ARID1B: variants seen among roughly 807,000 people sequenced by gnomAD.
ARID1B encodes the protein AT-rich interaction domain 1B, also known as AT-rich interactive domain-containing protein 1B.
In ARID1B, 30 loss-of-function variants were observed where a neutral mutation model predicts 212.3. That is an observed-to-expected ratio of 0.14 (90% CI 0.11 to 0.19). ARID1B has a LOEUF of 0.19. Ranked by LOEUF, ARID1B falls within the 10% of genes least tolerant of loss-of-function variation. The pLI, the probability that ARID1B is intolerant of heterozygous loss-of-function variation, is 1.00. For synonymous variants in ARID1B, 1,402 were observed against 1,301.7 expected (o/e 1.08, Z -1.66); for missense variants, 2,891 against 3,204.0 (o/e 0.90, Z 2.36).
intron 2 of ARID1B, among the ~76,000 whole-genome samples, chr6:156,857,594 T>TA (rs1166723677): frequency 6.6e-6 from 1 of 152,250 alleles, no homozygotes; most frequent in Non-Finnish European, 1.5e-5. Context: ...GCTGGCCACC[T>TA]ACTCTGGAAC....
intron 13 of ARID1B, chr6:157,186,733 T>C: frequency 2.9e-6 from 1 of 344,406 alleles, no homozygotes; most frequent in Admixed American, 4.0e-5. Context: ...TAGTTTATTT[T>C]TTACCAGCAC....
intron 2 of ARID1B, among the ~76,000 whole-genome samples, chr6:156,898,789 T>C (rs1788693485): frequency 6.6e-6 from 1 of 152,040 alleles, no homozygotes; most frequent in African/African-American, 2.4e-5. Flanking sequence ...CTGACCAACA[T>C]GGAGAAACCC....
intron 1 of ARID1B, among the ~76,000 whole-genome samples, chr6:156,793,414 A>G (rs906106755): frequency 2.6e-5 from 4 of 152,070 alleles, no homozygotes; most frequent in African/African-American, 9.7e-5. Context: ...CGGTGAGGTC[A>G]TGGCTCGACT....
rs1794042253 is a variant in ARID1B, at chr6:157,200,778, A to G, written c.4553A>G (p.Gln1518Arg). 1 of 1,614,084 alleles carries G rather than the reference A, an allele frequency of 6.2e-7. No individual in the cohort carries two copies. The highest frequency in any genetic ancestry group is 8.5e-7 in the Non-Finnish European group (1 of 1,180,002). The change falls in exon 18 of 20, where the codon CAG becomes CGG. Residue 1518 changes from glutamine (Q) to arginine (R), a missense_variant. By Grantham distance (43) the Gln-to-Arg change is conservative (BLOSUM62 1). Transcript: ENST00000636930. The surrounding 1 kb of genome is among the most constrained non-coding windows in gnomAD (Gnocchi z 4.3). ...CACGAGGGCGACATGTACAACATGC[A>G]GTACAGCAGCCAGCAGCAGGAGATG... is the stretch of plus-strand genomic sequence containing the variant. ...KRHEGDMYNM[Q>R]YSSQQQEMYN...
At chr6:156,879,529 G>A (rs1786869241) in intron 2 of ARID1B, among the ~76,000 whole-genome samples, 1 of 152,192 alleles carries the variant, frequency 6.6e-6, no homozygotes, top group Non-Finnish European at 1.5e-5. Flanking sequence ...AATTGCTGTA[G>A]AAGCCAGATA....
At position 157,174,922 on chromosome 6, in the gene ARID1B, A is replaced by G; in HGVS notation, c.3421A>G (p.Ser1141Gly). The part of the protein sequence containing the change: ...NLPVPSPMSP[S>G]SASISSFHGD... ...GCCAGTCCCTTCCCCAATGTCCCCCAGCTCTGCTAGCATCTCCTCATTTCA... is the reference window on the plus strand; with the variant it reads ...GCCAGTCCCTTCCCCAATGTCCCCCGGCTCTGCTAGCATCTCCTCATTTCA... The change falls in exon 11 of 20, where the codon AGC becomes GGC. Residue 1141 changes from serine (S) to glycine (G), a missense_variant. Ser to Gly is a moderately conservative substitution (Grantham distance 56). Transcript: ENST00000636930. 6.5e-7 allele frequency: 1 copy of G among 1,544,800 alleles called. No individual in the cohort carries two copies. Among genetic ancestry groups the G allele is most frequent in the Non-Finnish European group, 8.7e-7 (1 of 1,144,890 alleles).
At chr6:157,184,756 A>G (rs1792850569) in intron 13 of ARID1B, 1 of 369,176 alleles carries the variant, frequency 2.7e-6, no homozygotes, top group African/African-American at 2.1e-5. Flanking sequence ...GATTCCATCT[A>G]CCTCTACACA....
chr6:156,967,032 T>G (rs1001544301), intron 4 of ARID1B, among the ~76,000 whole-genome samples: 4 of 152,036 alleles, frequency 2.6e-5, no homozygotes, highest in Non-Finnish European at 5.9e-5. Context: ...TTTTTCTGGC[T>G]TTTTCTTTTA....
At chr6:156,973,115 A>G (rs1414256749) in intron 4 of ARID1B, among the ~76,000 whole-genome samples, 1 of 152,236 alleles carries the variant, frequency 6.6e-6, no homozygotes, top group Non-Finnish European at 1.5e-5. Context: ...CGTGCAGTAC[A>G]GTAGGCACTA....
intron 4 of ARID1B, among the ~76,000 whole-genome samples, chr6:157,069,542 A>G (rs562659806): frequency 1.3e-5 from 2 of 152,334 alleles, no homozygotes; most frequent in African/African-American, 4.8e-5. Context: ...TCACCAATGT[A>G]AAGTGAGGCC....
chr6:157,086,558 C>CT (rs1350973110), intron 5 of ARID1B, among the ~76,000 whole-genome samples: 1 of 152,166 alleles, frequency 6.6e-6, no homozygotes, highest in African/African-American at 2.4e-5. Context: ...TGAAAACTTT[C>CT]TTGAGGTATA....
intron 2 of ARID1B, among the ~76,000 whole-genome samples, chr6:156,845,030 GC>G (rs1202338471): frequency 6.6e-6 from 1 of 151,918 alleles, no homozygotes; most frequent in East Asian, 1.9e-4. Context: ...CTTTTGAATA[GC>G]CTTCCCGTGT....
intron 1 of ARID1B, among the ~76,000 whole-genome samples, chr6:156,809,283 G>A (rs1219888759): frequency 6.6e-6 from 1 of 152,158 alleles, no homozygotes; most frequent in Non-Finnish European, 1.5e-5. Flanking sequence ...TGTGCTATGT[G>A]AGAGATGTGG....
chr6:156,861,597 T>A (rs1282035290), intron 2 of ARID1B, among the ~76,000 whole-genome samples: 2 of 151,962 alleles, frequency 1.3e-5, no homozygotes, highest in Non-Finnish European at 2.9e-5. Flanking sequence ...GGTTTCAGAG[T>A]GAGACCCTGT....
At chr6:156,961,867 T>G (rs2128324347) in intron 4 of ARID1B, among the ~76,000 whole-genome samples, 1 of 152,282 alleles carries the variant, frequency 6.6e-6, no homozygotes, top group African/African-American at 2.4e-5. Flanking sequence ...AACATAATGT[T>G]GGGGTGGGGA....
In ARID1B at chr6:156,778,774, C is replaced by A. The variant is rs1156310939; in HGVS notation, c.1094C>A (p.Pro365His). 1 of 1,515,504 alleles carries A rather than the reference C, an allele frequency of 6.6e-7. No individual in the cohort carries two copies. Among genetic ancestry groups the A allele is most frequent in the East Asian group, 2.7e-5 (1 of 36,656 alleles). 93.9% of individuals were successfully genotyped at this position (1,515,504 alleles called of 1,614,324 possible). A position where few individuals can be genotyped will look rare whatever the true frequency, so the allele number is the denominator to read the frequency against. Reference sequence around the variant, plus strand: ...GCCGGGGCCCCCGGCAGCATGGACCCCCTGCAGAACTCCCACGAAGGGTAC... The same window carrying A: ...GCCGGGGCCCCCGGCAGCATGGACCACCTGCAGAACTCCCACGAAGGGTAC... ...AAAGAPGSMD[P>H]LQNSHEGYPN... is the part of the protein sequence containing the mutation. Residue 365 changes from proline to histidine, a missense_variant, in exon 1 of 20, where the codon CCC becomes CAC. Pro to His is a moderately conservative substitution (Grantham distance 77). Around this residue, in one of 7 missense-constraint regions of ARID1B, gnomAD observed 1,643 missense variants for 1,544.0 expected, o/e 1.06. Coordinates refer to ENST00000636930, the MANE Select transcript of ARID1B (RefSeq NM_001374828.1).
chr6:156,930,866 C>T (rs1791635634), intron 3 of ARID1B, among the ~76,000 whole-genome samples: 1 of 152,130 alleles, frequency 6.6e-6, no homozygotes, highest in South Asian at 2.1e-4. Flanking sequence ...CTTGGTAACA[C>T]ATTGAAAAAT....
At chr6:157,036,624 G>A (rs897586559) in intron 4 of ARID1B, 8 of 332,422 alleles carry the variant, frequency 2.4e-5, no homozygotes, top group South Asian at 1.6e-4. Flanking sequence ...AGCTCCCGCC[G>A]TCTTATAGAA....
chr6:156,787,130 G>T (rs1779698175), intron 1 of ARID1B, among the ~76,000 whole-genome samples: 1 of 151,974 alleles, frequency 6.6e-6, no homozygotes, highest in Non-Finnish European at 1.5e-5. Flanking sequence ...ATAACTAAAA[G>T]AAGGAAAATA....
Sources: gnomAD v4.1 joint callset for allele counts (sites outside exome capture counted in the v4.1 genomes callset) on GRCh38, gnomAD v4.1.1 for gene constraint, gnomAD v4.1.1 regional missense constraint, Gnocchi (gnomAD v3.1) non-coding constraint, MANE v1.5 for transcripts, NCBI Gene and HGNC (gene_info 2026-07-23, HGNC 2026-07-21) for gene names.